The following RIN3 variants were observed in gnomAD, a reference collection of about 807,000 sequenced individuals.
The protein encoded by RIN3 is RAB5 interacting protein 3.
Under a neutral mutation model 76.3 loss-of-function variants are expected in RIN3, and 54 were observed. The ratio of observed to expected loss-of-function variants is 0.71; its 90% CI spans 0.57 to 0.89. The LOEUF (loss-of-function observed/expected upper bound fraction) is 0.89. RIN3 is among the 40% of genes least tolerant of loss of function. RIN3 has a pLI of 0.00. For missense variants in RIN3, 1,256 were observed against 1,322.1 expected (o/e 0.95, Z 0.78); for synonymous variants, 576 against 564.0 (o/e 1.02, Z -0.30).
chr14:92,545,452 A>T (rs1897238425), intron 1 of RIN3, among the ~76,000 whole-genome samples: 1 of 152,182 alleles, frequency 6.6e-6, no homozygotes, highest in South Asian at 2.1e-4. Flanking sequence ...CAGAAGAGTT[A>T]CAGGAATAGT....
In RIN3 at chr14:92,599,716, A is replaced by T. The variant is rs973020191; in HGVS notation, c.368-15691A>T. ...GCGTCACCAGCACAAGGGCAGCTGG[A>T]GCGGTGAGATGCTAAACTACACCAC... On this transcript the variant is annotated intron_variant, in intron 3 of 9. Transcript: ENST00000216487. Among the ~76,000 whole-genome samples, 6 of 152,142 alleles carry T rather than the reference A, an allele frequency of 3.9e-5. 1 individual carries two copies. The highest frequency in any genetic ancestry group is 8.8e-5 in the Non-Finnish European group (6 of 68,020).
intron 2 of RIN3, chr14:92,576,121 A>T: frequency 1.2e-6 from 1 of 830,394 alleles, no homozygotes; most frequent in Non-Finnish European, 1.6e-6. Flanking sequence ...CTATGGAGGG[A>T]TGCCCCCTCC....
intron 1 of RIN3, among the ~76,000 whole-genome samples, chr14:92,537,193 TG>T (rs967137098): frequency 3.0e-4 from 46 of 152,310 alleles, no homozygotes; most frequent in Non-Finnish European, 5.4e-4. Flanking sequence ...CTGGTTTATA[TG>T]TATGTAAGTG....
chr14:92,603,760 G>T (rs993030770), intron 3 of RIN3, among the ~76,000 whole-genome samples: 2 of 152,196 alleles, frequency 1.3e-5, no homozygotes, highest in Non-Finnish European at 1.5e-5. Context: ...AGTGCTGGCA[G>T]CCCTGGTCTG....
intron 8 of RIN3, among the ~76,000 whole-genome samples, chr14:92,679,205 T>C (rs1888580720): frequency 6.6e-6 from 1 of 152,220 alleles, no homozygotes; most frequent in South Asian, 2.1e-4. Context: ...CCAGCCCTTT[T>C]GTCAGACTTG....
In RIN3 at chr14:92,685,130, G is replaced by A; in HGVS notation, c.2611G>A (p.Ala871Thr). ...ERRRTLNKAR[A>T]SRSSVQDFIC... ...CCGGCGTACTCTCAACAAGGCCCGG[G>A]CCTCCCGCTCCTCCGTACAGGTGAG... is the stretch of plus-strand genomic sequence containing the variant. Residue 871 changes from alanine (A) to threonine (T), a missense_variant, in exon 9 of 10, where the codon GCC becomes ACC. Physicochemically the swap from Ala to Thr is moderately conservative, Grantham distance 58. Coordinates refer to ENST00000216487, the MANE Select transcript of RIN3 (RefSeq NM_024832.5). The surrounding 1 kb of genome is among the most constrained non-coding windows in gnomAD (Gnocchi z 4.7). 1 of 1,612,314 alleles carries A rather than the reference G, an allele frequency of 6.2e-7. No homozygotes were observed. The highest frequency in any genetic ancestry group is 1.1e-5 in the South Asian group (1 of 91,000).
At chr14:92,600,462 A>G (rs1448144695) in intron 3 of RIN3, among the ~76,000 whole-genome samples, 3 of 152,212 alleles carry the variant, frequency 2.0e-5, no homozygotes, top group Non-Finnish European at 4.4e-5. Flanking sequence ...AATCAGTAGC[A>G]TCTCGAAGCA....
rs560868664 is a variant in RIN3, at chr14:92,568,497, A to G, written c.250-8863A>G. On this transcript the variant is annotated intron_variant, in intron 2 of 9. Coordinates refer to ENST00000216487, the MANE Select transcript of RIN3 (RefSeq NM_024832.5). This position sits in a 1 kb window ranked among gnomAD's most constrained non-coding sequence, Gnocchi z 4.2. ...GCTGTCTGTGAATACCTTCTAGAAGAGTCTCCATGACTAGCTCAGCAGCTA... is the reference window on the plus strand; with the variant it reads ...GCTGTCTGTGAATACCTTCTAGAAGGGTCTCCATGACTAGCTCAGCAGCTA... 6.6e-6 allele frequency among the ~76,000 whole-genome samples: 1 copy of G among 152,322 alleles called. No individual in the cohort carries two copies. Among genetic ancestry groups the G allele is most frequent in the South Asian group, 2.1e-4 (1 of 4,826 alleles).
intron 1 of RIN3, among the ~76,000 whole-genome samples, chr14:92,552,632 G>T (rs757719856): frequency 1.3e-5 from 2 of 152,026 alleles, no homozygotes; most frequent in African/African-American, 4.8e-5. Flanking sequence ...TTGGGAGTTT[G>T]CTCTTCCTTC....
Position 92,577,034 on chromosome 14 carries a change from G to A in RIN3, c.250-326G>A, listed in dbSNP as rs144421930. Among the ~76,000 whole-genome samples, 12 of 152,196 alleles carry A rather than the reference G, an allele frequency of 7.9e-5. No homozygotes were observed. In the East Asian group the frequency reaches 1.5e-3, roughly 20 times the overall value. On this transcript the variant is annotated intron_variant, in intron 2 of 9. Transcript: ENST00000216487. ...TTCCAGCCCCACTTACAGAATCAGT[G>A]TCTCAGTGGGTGGGGGCATAGGAAT...
intron 8 of RIN3, among the ~76,000 whole-genome samples, chr14:92,678,297 C>G (rs891127321): frequency 1.3e-5 from 2 of 151,200 alleles, no homozygotes; most frequent in African/African-American, 4.9e-5. Flanking sequence ...CACCCACCTG[C>G]CCATCCACAT....
At position 92,565,560 on chromosome 14, in the gene RIN3, G is replaced by T. The variant is rs1487510080; in HGVS notation, c.249+9605G>T. ...GGGTGGATTATTCATGAGTTTTCTGGGAAAGGGGTAGGCATTTCCTGGAGC... is the reference window on the plus strand; with the variant it reads ...GGGTGGATTATTCATGAGTTTTCTGTGAAAGGGGTAGGCATTTCCTGGAGC... On this transcript the variant is annotated intron_variant, in intron 2 of 9. Transcript: ENST00000216487. Among the ~76,000 whole-genome samples the T allele has an allele frequency of 2.0e-5, 3 of 152,176 alleles. No individual in the cohort carries two copies. In the South Asian group the frequency reaches 6.2e-4, roughly 32 times the overall value.
At position 92,648,145 on chromosome 14, in the gene RIN3, C is replaced by A. The variant is rs1274517485; in HGVS notation, c.533-3437C>A. Among the ~76,000 whole-genome samples, 8 of 145,010 alleles carry A rather than the reference C, an allele frequency of 5.5e-5. No homozygotes were observed. Among genetic ancestry groups the A allele is most frequent in the Admixed American group, 4.2e-4 (6 of 14,192 alleles). ...CTGCAATGCCACTGTGGTTCCCTAA[C>A]AGGTCCCAAGACCCCAGGATGCAGC... On this transcript the variant is annotated intron_variant, in intron 5 of 9. Transcript: ENST00000216487. This position sits in a 1 kb window ranked among gnomAD's most constrained non-coding sequence, Gnocchi z 4.1.
chr14:92,652,465 G>T lies in RIN3; in HGVS notation c.1416G>T (p.Ser472=), dbSNP rs375786859. The T allele has an allele frequency of 1.2e-6, 2 of 1,613,648 alleles. No individual in the cohort carries two copies. Among genetic ancestry groups the T allele is most frequent in the Non-Finnish European group, 1.7e-6 (2 of 1,179,956 alleles). The change falls in exon 6 of 10, where the codon TCG becomes TCT. Residue 472 remains serine (S), a synonymous_variant. Transcript: ENST00000216487. This position sits in a 1 kb window ranked among gnomAD's most constrained non-coding sequence, Gnocchi z 6.4. ...RKKRISRQLA[S]TLPAPLENAE... ...AACGGATCTCTCGACAACTGGCCTC[G>T]ACCCTCCCAGCTCCCTTAGAGAACG...
intron 1 of RIN3, among the ~76,000 whole-genome samples, chr14:92,537,841 A>T (rs151324996): frequency 0.069 from 6,417 of 93,082 alleles, 269 homozygotes; most frequent in African/African-American, 0.16. Flanking sequence ...TATTTTATTT[A>T]TTTTTTTTTT....
Position 92,568,788 on chromosome 14 carries a change from A to G in RIN3, c.250-8572A>G, listed in dbSNP as rs1897982831. Among the ~76,000 whole-genome samples, 1 of 152,252 alleles carries G rather than the reference A, an allele frequency of 6.6e-6. No homozygotes were observed. Among genetic ancestry groups the G allele is most frequent in the East Asian group, 1.9e-4 (1 of 5,196 alleles). On this transcript the variant is annotated intron_variant, in intron 2 of 9. Transcript: ENST00000216487. The surrounding 1 kb of genome is among the most constrained non-coding windows in gnomAD (Gnocchi z 4.2). ...TTTTTAGTCAGAAGACAAGAGCCAC[A>G]TGAGAGCCCTGTGGCCATGCTGAAA...
At chr14:92,676,359 C>A in intron 7 of RIN3, 116 bp from the exon 8 acceptor site, 2 of 1,225,870 alleles carry the variant, frequency 1.6e-6, no homozygotes, top group Non-Finnish European at 1.2e-6. Flanking sequence ...CAGGAACATT[C>A]CTCTTCCAGG....
chr14:92,601,634 A>G (rs1885349411), intron 3 of RIN3, among the ~76,000 whole-genome samples: 1 of 152,090 alleles, frequency 6.6e-6, no homozygotes, highest in Non-Finnish European at 1.5e-5. Context: ...TTTTTTCTCA[A>G]TGGGTCCAGT....
chr14:92,558,865 C>T lies in RIN3; in HGVS notation c.249+2910C>T, dbSNP rs188366094. ...GCATCTTCCAGCACCTTCTCTCTTC[C>T]TTTTGTTTTTTCTTTTCTTTTCTTT... On this transcript the variant is annotated intron_variant, in intron 2 of 9. Coordinates refer to ENST00000216487, the MANE Select transcript of RIN3 (RefSeq NM_024832.5). Among the ~76,000 whole-genome samples, 697 of 149,448 alleles carry T rather than the reference C, an allele frequency of 4.7e-3. 7 individuals carry two copies. The highest frequency in any genetic ancestry group is 8.5e-3 in the Non-Finnish European group (575 of 67,506).
Sources: allele counts gnomAD v4.1 joint callset (sites outside exome capture counted in the v4.1 genomes callset), GRCh38; gene constraint gnomAD v4.1.1; non-coding constraint Gnocchi (gnomAD v3.1); transcripts MANE v1.5; gene names NCBI Gene and HGNC (gene_info 2026-07-23, HGNC 2026-07-21).